The following COL5A3 variants were observed in gnomAD, a reference collection of about 807,000 sequenced individuals.
COL5A3 encodes the protein collagen alpha-3(V) chain.
In COL5A3, 172 loss-of-function variants were observed where a neutral mutation model predicts 250.0. The ratio of observed to expected loss-of-function variants is 0.69; its 90% CI spans 0.61 to 0.78. The LOEUF is 0.78. Among genes scored for constraint, COL5A3 ranks in the 30% least tolerant of loss-of-function variants. The pLI, the probability that COL5A3 is intolerant of heterozygous loss-of-function variation, is 0.00. For missense variants in COL5A3, 2,340 were observed against 2,334.4 expected (o/e 1.00, Z -0.05); for synonymous variants, 937 against 900.4 (o/e 1.04, Z -0.73).
At chr19:9,964,482 TGATGCACAGCTACTCAA>T (rs2086711239) in intron 64 of COL5A3, among the ~76,000 whole-genome samples, 1 of 151,912 alleles carries the variant, frequency 6.6e-6, no homozygotes, top group South Asian at 2.1e-4. Flanking sequence ...CACACCTGTG[TGATGCACAGCTACTCAA>T]GAGGCTGAGA....
intron 45 of COL5A3, among the ~76,000 whole-genome samples, chr19:9,975,148 C>G (rs894345247): frequency 1.3e-5 from 2 of 151,622 alleles, no homozygotes; most frequent in South Asian, 4.2e-4. Flanking sequence ...TATCTTGGCT[C>G]ACTGCAACCT....
intron 64 of COL5A3, among the ~76,000 whole-genome samples, chr19:9,965,878 G>A (rs1422431525): frequency 6.6e-6 from 1 of 152,170 alleles, no homozygotes; most frequent in Non-Finnish European, 1.5e-5. Context: ...CTGTCTCCCA[G>A]GCTGGAGTGC....
intron 51 of COL5A3, among the ~76,000 whole-genome samples, 163 bp from the exon 52 acceptor site, chr19:9,971,421 T>C (rs776699339): frequency 6.6e-5 from 10 of 152,202 alleles, no homozygotes; most frequent in Non-Finnish European, 1.3e-4. Flanking sequence ...TCGTGTTTCA[T>C]GGGTGCAGAC....
At chr19:9,981,983 C>A in intron 32 of COL5A3, 82 bp downstream of exon 32, 1 of 1,060,180 alleles carries the variant, frequency 9.4e-7, no homozygotes, top group South Asian at 1.3e-5. Flanking sequence ...CACCCAGGGT[C>A]CACCCATCAT....
chr19:9,999,034 TTTTCTTTCTC>T (rs1555741025), intron 8 of COL5A3, among the ~76,000 whole-genome samples: 7 of 101,892 alleles, frequency 6.9e-5, no homozygotes, highest in Admixed American at 4.7e-4. Flanking sequence ...TTCTCTTTCT[TTTTCTTTCTC>T]TTTCTTTCTC....
At chr19:9,961,836 G>A (rs2086678579) in intron 65 of COL5A3, among the ~76,000 whole-genome samples, 6 of 152,098 alleles carry the variant, frequency 3.9e-5, no homozygotes, top group Admixed American at 3.9e-4. Flanking sequence ...GGGATTACAG[G>A]CGTGAGCCAC....
chr19:9,968,359 C>T lies in COL5A3; in HGVS notation c.4314+26G>A, dbSNP rs774230476. 1.3e-6 allele frequency: 2 copies of T among 1,494,086 alleles called. No individual in the cohort carries two copies. Among genetic ancestry groups the T allele is most frequent in the Admixed American group, 3.7e-5 (2 of 53,638 alleles). The allele number at this position is 1,494,086 out of a possible 1,614,324, so 92.6% of individuals were successfully genotyped here. On this transcript the variant is annotated intron_variant, in intron 59 of 66. Transcript: ENST00000264828. This position sits in a 1 kb window ranked among gnomAD's most constrained non-coding sequence, Gnocchi z 4.1. ...ACCGACCCCCTCCTTCAAATGCATT[C>T]TTCCCGCTCAGGTCAGGACACTCAC...
rs752507652 is a variant in COL5A3, at chr19:9,979,464, A to G, written c.2713-47T>C. Reference sequence around the variant, plus strand: ...GGGGGCGGTGTTACATGGGGAAGGGATGGAGGAGCAGGAGACAGGGAAGGC... The same window carrying G: ...GGGGGCGGTGTTACATGGGGAAGGGGTGGAGGAGCAGGAGACAGGGAAGGC... On this transcript the variant is annotated intron_variant, in intron 37 of 66. Coordinates refer to ENST00000264828, the MANE Select transcript of COL5A3 (RefSeq NM_015719.4). 3.1e-6 allele frequency: 5 copies of G among 1,597,156 alleles called. No homozygotes were observed. In the South Asian group the frequency reaches 5.5e-5, roughly 18 times the overall value.
At chr19:9,967,535 TCA>T (rs1007788518) in intron 61 of COL5A3, 135 bp from the exon 62 acceptor site, 11 of 644,570 alleles carry the variant, frequency 1.7e-5, no homozygotes, top group South Asian at 1.1e-4. Flanking sequence ...ACACACTCAC[TCA>T]CACACTCACA....
Position 9,989,129 on chromosome 19 carries a change from CT to C in COL5A3, c.2139del (p.Val714Ter). The C allele has an allele frequency of 6.2e-7, 1 of 1,614,208 alleles. No individual in the cohort carries two copies. The highest frequency in any genetic ancestry group is 8.5e-7 in the Non-Finnish European group (1 of 1,180,032). Reference protein sequence around the residue: ...AGPPGYPGPRGVKGTSGNRGL... With the variant: ...AGPPGYPGPRXVKGTSGNRGL... Reference sequence around the variant, plus strand: ...CCTGCAAGCGTATCACCTACCTTCACTCCCCGAGGTCCAGGATAGCCCGGAG... The same window carrying C: ...CCTGCAAGCGTATCACCTACCTTCACCCCCGAGGTCCAGGATAGCCCGGAG... On this transcript the variant is annotated frameshift_variant, in exon 27 of 67. Transcript: ENST00000264828. LOFTEE classifies it high-confidence loss of function.
chr19:9,990,392 CA>C (rs879496349), intron 24 of COL5A3, among the ~76,000 whole-genome samples: 874 of 81,792 alleles, frequency 0.011, 13 homozygotes, highest in Middle Eastern at 0.036. Context: ...GAAATTCTGT[CA>C]AAAAAAAAAA....
At position 9,960,707 on chromosome 19, in the gene COL5A3, G is replaced by T; in HGVS notation, c.5035C>A (p.Leu1679Met). 6.2e-7 allele frequency: 1 copy of T among 1,614,034 alleles called. No individual in the cohort carries two copies. The change falls in exon 66 of 67, where the codon CTG (leucine) becomes ATG (methionine). Residue 1679 changes from leucine (L) to methionine (M), a missense_variant. Transcript: ENST00000264828. ...GCTGCTGTCGTCTGGTTGAAAGACA[G>T]CTCCTCTCCATTGGTGCCAAGGAAG... is the stretch of plus-strand genomic sequence containing the variant. ...ARFLGTNGEE[L>M]SFNQTTAATV...
chr19:9,967,685 T>TATGTTCTA, intron 61 of COL5A3: 1 of 549,070 alleles, frequency 1.8e-6, no homozygotes, highest in Middle Eastern at 4.8e-4. Flanking sequence ...TTGGCAGAAC[T>TATGTTCTA]GTTTTCTTTC....
intron 65 of COL5A3, among the ~76,000 whole-genome samples, chr19:9,961,923 T>G (rs1234334845): frequency 6.6e-6 from 1 of 152,126 alleles, no homozygotes; most frequent in Non-Finnish European, 1.5e-5. Context: ...ATCAGAAAGC[T>G]TATGCTTGGA....
chr19:9,970,624 T>A lies in COL5A3; in HGVS notation c.3934A>T (p.Arg1312Trp). The change falls in exon 54 of 67, where the codon AGG becomes TGG. Residue 1312 changes from arginine (R) to tryptophan (W), a missense_variant and splice_region_variant. This residue lies in a region of COL5A3 where 1,179 missense variants were observed against 1,162.6 expected (regional missense o/e 1.01). Coordinates refer to ENST00000264828, the MANE Select transcript of COL5A3 (RefSeq NM_015719.4). ...CCAGGAGGTGGCTTATCACTTACCCTCTTGCCGGGGGGCCCGGGGGCGCCG... is the reference window on the plus strand; with the variant it reads ...CCAGGAGGTGGCTTATCACTTACCCACTTGCCGGGGGGCCCGGGGGCGCCG... ...EPGAPGPPGK[R>W]GPSGHMGREG... 6.9e-7 allele frequency: 1 copy of A among 1,448,688 alleles called. No individual in the cohort carries two copies. Among genetic ancestry groups the A allele is most frequent in the East Asian group, 2.6e-5 (1 of 38,326 alleles). The allele number at this position is 1,448,688 out of a possible 1,614,324, so 89.7% of individuals were successfully genotyped here.
chr19:9,995,703 G>T, intron 15 of COL5A3, 86 bp from the exon 16 acceptor site: 1 of 1,065,170 alleles, frequency 9.4e-7, no homozygotes, highest in East Asian at 2.5e-5. Context: ...TTAGAGATGG[G>T]GTCTTGCTGT....
rs542528927 is a variant in COL5A3 at position 9,973,768 on chromosome 19, G to A, written c.3600C>T (p.Ala1200=). Residue 1200 remains alanine, a synonymous_variant, in exon 49 of 67, where the codon GCC becomes GCT. Transcript: ENST00000264828. ...TTCCCTCACTCACCTTCTCACCCAC[G>A]GCGCCTGGCTGACCAACTCCTCCAG... ...GLPGGVGQPG[A]VGEKGERGDA... The A allele has an allele frequency of 7.7e-5, 125 of 1,613,856 alleles. No homozygotes were observed. In the Admixed American group the frequency reaches 1.0e-3, roughly 13 times the overall value.
intron 50 of COL5A3, 76 bp from the exon 51 acceptor site, chr19:9,973,102 C>A: frequency 7.4e-7 from 1 of 1,354,772 alleles, no homozygotes; most frequent in South Asian, 1.4e-5. Context: ...TGGATTCAGG[C>A]ATTGGGGTGG....
intron 31 of COL5A3, among the ~76,000 whole-genome samples, chr19:9,982,356 T>G (rs189244068): frequency 0.042 from 6,405 of 152,180 alleles, 163 homozygotes; most frequent in African/African-American, 0.072. Flanking sequence ...AATGCTTGTC[T>G]CCTAGGCCTC....
Sources: gnomAD v4.1 joint callset for allele counts (sites outside exome capture counted in the v4.1 genomes callset) on GRCh38, gnomAD v4.1.1 for gene constraint, gnomAD v4.1.1 regional missense constraint, Gnocchi (gnomAD v3.1) non-coding constraint, MANE v1.5 for transcripts, NCBI Gene and HGNC (gene_info 2026-07-23, HGNC 2026-07-21) for gene names.